DDI2: variants seen among roughly 807,000 people sequenced by gnomAD.
The protein encoded by DDI2 is protein DDI1 homolog 2.
Under a neutral mutation model 48.1 loss-of-function variants are expected in DDI2, and 5 were observed. That is an observed-to-expected ratio of 0.10 (90% CI 0.05 to 0.22). The LOEUF (loss-of-function observed/expected upper bound fraction) is 0.22. Ranked by LOEUF, DDI2 falls within the 10% of genes least tolerant of loss-of-function variation. The pLI, the probability that DDI2 is intolerant of heterozygous loss-of-function variation, is 1.00. For synonymous variants in DDI2, 205 were observed against 183.6 expected, an observed-to-expected ratio of 1.12 and a Z score of -0.94; for missense variants, 285 against 506.2, an observed-to-expected ratio of 0.56 and a Z score of 4.19.
intron 5 of DDI2, among the ~76,000 whole-genome samples, chr1:15,641,559 C>G (rs1640007974): frequency 6.6e-6 from 1 of 152,142 alleles, no homozygotes; most frequent in Non-Finnish European, 1.5e-5. Context: ...CAACAATATC[C>G]TTGCTTTAAA....
rs1640404464 is a variant in DDI2, at chr1:15,662,989, G to GC, written c.*3202dup. 1 of 152,208 alleles carries GC rather than the reference G, an allele frequency of 6.6e-6. No homozygotes were observed. The highest frequency in any genetic ancestry group is 1.9e-4 in the East Asian group (1 of 5,184). 9.4% of individuals were successfully genotyped at this position (152,208 alleles called of 1,614,324 possible). On this transcript the variant is annotated 3_prime_UTR_variant, in exon 10 of 10. Coordinates refer to ENST00000480945, the MANE Select transcript of DDI2 (RefSeq NM_032341.5). ...GTGGCCTTTTTTTATATAAGGACTA[G>GC]CCCTTGGAAATCATTGTCCTGTGGG...
chr1:15,661,429 G>C lies in DDI2; in HGVS notation c.*1639G>C. The stretch of plus-strand genomic sequence containing the variant: ...GTCTTTGTCATCCAATTTCATATTG[G>C]TTAAAGACTTAGGTCAGGGCATACA... On this transcript the variant is annotated 3_prime_UTR_variant, in exon 10 of 10. Coordinates refer to ENST00000480945, the MANE Select transcript of DDI2 (RefSeq NM_032341.5). 1.2e-6 allele frequency: 2 copies of C among 1,614,082 alleles called. No homozygotes were observed. Among genetic ancestry groups the C allele is most frequent in the South Asian group, 2.2e-5 (2 of 91,072 alleles).
At chr1:15,643,710 C>T (rs1640044168) in intron 6 of DDI2, 60 bp downstream of exon 6, 6 of 1,569,436 alleles carry the variant, frequency 3.8e-6, no homozygotes, top group Non-Finnish European at 5.2e-6. Context: ...GTAGGGTAGT[C>T]GATTTTCAAG....
intron 9 of DDI2, among the ~76,000 whole-genome samples, chr1:15,658,570 C>G (rs1640307637): frequency 1.3e-5 from 2 of 151,438 alleles, no homozygotes; most frequent in Non-Finnish European, 3.0e-5. Flanking sequence ...TGAGACCACC[C>G]TGACCAACGT....
chr1:15,633,477 C>G lies in DDI2; in HGVS notation c.544C>G (p.Arg182Gly), dbSNP rs777089239. 1 of 1,613,622 alleles carries G rather than the reference C, an allele frequency of 6.2e-7. No homozygotes were observed. The change falls in exon 4 of 10, where the codon CGA (arginine) becomes GGA (glycine). Residue 182 changes from arginine to glycine, a missense_variant. This residue lies in a region of DDI2 where 149 missense variants were observed against 236.5 expected (regional missense o/e 0.63). Coordinates refer to ENST00000480945, the MANE Select transcript of DDI2 (RefSeq NM_032341.5). ...SRVLVEQQQD[R>G]ARREQERIRL... ...AGTCCTGGTGGAGCAGCAGCAGGAC[C>G]GAGCCCGGAGAGAGCAAGAAAGGAT...
In DDI2 at chr1:15,661,428, G is replaced by T. The variant is rs1557626442; in HGVS notation, c.*1638G>T. ...AGTCTTTGTCATCCAATTTCATATTGGTTAAAGACTTAGGTCAGGGCATAC... is the reference window on the plus strand; with the variant it reads ...AGTCTTTGTCATCCAATTTCATATTTGTTAAAGACTTAGGTCAGGGCATAC... On this transcript the variant is annotated 3_prime_UTR_variant, in exon 10 of 10. Coordinates refer to ENST00000480945, the MANE Select transcript of DDI2 (RefSeq NM_032341.5). 2 of 1,613,942 alleles carry T rather than the reference G, an allele frequency of 1.2e-6. No homozygotes were observed. The highest frequency in any genetic ancestry group is 3.3e-5 in the Admixed American group (2 of 59,992).
In DDI2 at chr1:15,664,093, G is replaced by T. The variant is rs1472570098; in HGVS notation, c.*4303G>T. The T allele has an allele frequency of 6.6e-6, 1 of 151,986 alleles. No individual in the cohort carries two copies. The highest frequency in any genetic ancestry group is 1.5e-5 in the Non-Finnish European group (1 of 68,006). The allele number at this position is 151,986 out of a possible 1,614,324, so 9.4% of individuals were successfully genotyped here. On this transcript the variant is annotated 3_prime_UTR_variant, in exon 10 of 10. Transcript: ENST00000480945. ...TTCCATCATTTTATTTTTGAGATGGGGTCTTGCAGTGTTGCCCAGGCTGGA... is the reference window on the plus strand; with the variant it reads ...TTCCATCATTTTATTTTTGAGATGGTGTCTTGCAGTGTTGCCCAGGCTGGA...
intron 6 of DDI2, among the ~76,000 whole-genome samples, chr1:15,648,422 C>T (rs1358365778): frequency 6.6e-6 from 1 of 152,194 alleles, no homozygotes; most frequent in East Asian, 1.9e-4. Context: ...GCAGTTCTCC[C>T]ACATTAATCC....
At chr1:15,657,566 A>G (rs1456823240) in intron 9 of DDI2, among the ~76,000 whole-genome samples, 1 of 152,206 alleles carries the variant, frequency 6.6e-6, no homozygotes, top group African/African-American at 2.4e-5. Flanking sequence ...CTCAGCTACA[A>G]GAGGACTATA....
intron 7 of DDI2, among the ~76,000 whole-genome samples, chr1:15,651,188 T>C (rs1049167039): frequency 2.6e-5 from 4 of 151,776 alleles, no homozygotes; most frequent in African/African-American, 9.7e-5. Context: ...AATGAATGAG[T>C]GTATGTATCA....
intron 1 of DDI2, among the ~76,000 whole-genome samples, chr1:15,620,402 TATATC>T (rs1003200632): frequency 2.4e-4 from 37 of 152,294 alleles, no homozygotes; most frequent in African/African-American, 8.4e-4. Context: ...TACCCATAAA[TATATC>T]ATGTTTACTT....
At position 15,645,043 on chromosome 1, in the gene DDI2, C is replaced by G. The variant is rs1421450798; in HGVS notation, c.889+1393C>G. On this transcript the variant is annotated intron_variant, in intron 6 of 9. Coordinates refer to ENST00000480945, the MANE Select transcript of DDI2 (RefSeq NM_032341.5). ...GTAGCCGGGTCACAGGCGTGCACCA[C>G]CACACCTAGCTAATTTTTGTATTCT... is the stretch of plus-strand genomic sequence containing the variant. 2.0e-5 allele frequency among the ~76,000 whole-genome samples: 3 copies of G among 152,322 alleles called. No homozygotes were observed. In the East Asian group the frequency reaches 5.8e-4, roughly 29 times the overall value.
At chr1:15,654,238 T>A (rs536651452) in intron 8 of DDI2, among the ~76,000 whole-genome samples, 1 of 152,362 alleles carries the variant, frequency 6.6e-6, no homozygotes, top group Admixed American at 6.5e-5. Flanking sequence ...ACTGTTTTAC[T>A]GGAGAACATT....
At chr1:15,658,454 T>C (rs1184140550) in intron 9 of DDI2, among the ~76,000 whole-genome samples, 1 of 150,826 alleles carries the variant, frequency 6.6e-6, no homozygotes, top group South Asian at 2.1e-4. Context: ...CCAGCCCTTT[T>C]TGATTTTTAA....
intron 8 of DDI2, among the ~76,000 whole-genome samples, chr1:15,652,452 G>C (rs865785508): frequency 0.025 from 1,947 of 76,400 alleles, 205 homozygotes; most frequent in African/African-American, 0.034. Flanking sequence ...GCTCCGGAGG[G>C]GGGGGGGGGG....
chr1:15,617,666 G>C lies in DDI2; in HGVS notation c.-5G>C. Reference sequence around the variant, plus strand: ...AGCCGAGCCGAGCCGGGTCGGGCCCGGGCCATGCTGCTCACCGTGTACTGT... The same window carrying C: ...AGCCGAGCCGAGCCGGGTCGGGCCCCGGCCATGCTGCTCACCGTGTACTGT... On this transcript the variant is annotated 5_prime_UTR_variant, in exon 1 of 10. Transcript: ENST00000480945. The C allele has an allele frequency of 2.0e-6, 3 of 1,509,254 alleles. No individual in the cohort carries two copies. Among genetic ancestry groups the C allele is most frequent in the South Asian group, 2.5e-5 (2 of 79,196 alleles). The allele number at this position is 1,509,254 out of a possible 1,614,324, so 93.5% of individuals were successfully genotyped here.
intron 5 of DDI2, 67 bp from the exon 6 acceptor site, chr1:15,643,455 C>A: frequency 6.3e-7 from 1 of 1,583,490 alleles, no homozygotes; most frequent in South Asian, 1.2e-5. Flanking sequence ...TTATTTAGTG[C>A]TATATTTTGA....
rs1201742131 is a variant in DDI2, at chr1:15,668,646, T to G, written c.*8856T>G. On this transcript the variant is annotated 3_prime_UTR_variant, in exon 10 of 10. Coordinates refer to ENST00000480945, the MANE Select transcript of DDI2 (RefSeq NM_032341.5). ...CTTTATATGTTCTTGCAGTTACTCT[T>G]GTATTGCAAGATTTTCTGACTTTAA... 6.6e-6 allele frequency: 1 copy of G among 152,192 alleles called. No individual in the cohort carries two copies. Among genetic ancestry groups the G allele is most frequent in the East Asian group, 1.9e-4 (1 of 5,194 alleles). 9.4% of individuals were successfully genotyped at this position (152,192 alleles called of 1,614,324 possible). A position where few individuals can be genotyped will look rare whatever the true frequency, so the allele number is the denominator to read the frequency against.
chr1:15,650,862 T>G (rs1229247606), intron 7 of DDI2, among the ~76,000 whole-genome samples: 1 of 152,182 alleles, frequency 6.6e-6, no homozygotes, highest in Non-Finnish European at 1.5e-5. Context: ...ATTTATTTAT[T>G]TATTTATTTT....
Sources: gnomAD v4.1 joint callset for allele counts (sites outside exome capture counted in the v4.1 genomes callset) on GRCh38, gnomAD v4.1.1 for gene constraint, gnomAD v4.1.1 regional missense constraint, MANE v1.5 for transcripts, NCBI Gene and HGNC (gene_info 2026-07-23, HGNC 2026-07-21) for gene names.